Variants in HINFP observed in about 807,000 individuals in gnomAD.
HINFP encodes MBD2 (methyl-CpG-binding protein)-interacting zinc finger protein.
In HINFP, 20 loss-of-function variants were observed where a neutral mutation model predicts 50.1. The ratio of observed to expected loss-of-function variants is 0.40; its 90% CI spans 0.28 to 0.58. The LOEUF is 0.58. Ranked by LOEUF, HINFP falls within the 20% of genes least tolerant of loss-of-function variation. The probability of loss-of-function intolerance (pLI) is 0.45; values close to 1 mark genes in which losing one functional copy is unlikely to be tolerated. For synonymous variants in HINFP, 247 were observed against 243.7 expected (o/e 1.01, Z -0.13); for missense variants, 505 against 664.1 (o/e 0.76, Z 2.63).
rs528550920 is a variant in HINFP, at chr11:119,123,481, T to G, written c.-11+1842T>G. Among the ~76,000 whole-genome samples the G allele has an allele frequency of 6.6e-5, 10 of 152,256 alleles. No homozygotes were observed. The East Asian group carries it at 1.5e-3, about 23-fold the overall frequency. ...AGGAGGTGTGGGATTTTATGACTTT[T>G]GAAGCTTTTTTCTACTTTTCTTACC... On this transcript the variant is annotated intron_variant, in intron 1 of 9. Coordinates refer to ENST00000350777, the MANE Select transcript of HINFP (RefSeq NM_198971.3).
intron 1 of HINFP, among the ~76,000 whole-genome samples, chr11:119,123,042 C>A (rs1244221004): frequency 7.0e-6 from 1 of 143,700 alleles, no homozygotes; most frequent in Non-Finnish European, 1.5e-5. Context: ...TCACGAGAAT[C>A]GCTTGAACCT....
chr11:119,127,076 G>C lies in HINFP; in HGVS notation c.132G>C (p.Leu44=), dbSNP rs779079447. ...TCACTCAGCACCTGCAGCAGCACCT[G>C]CATGGCTCTGGGGAGGAGGAGGAAG... ...EHVTQHLQQH[L]HGSGEEEEEE... Residue 44 remains leucine (L), a synonymous_variant, in exon 2 of 10, where the codon CTG becomes CTC. Transcript: ENST00000350777. 6.2e-7 allele frequency: 1 copy of C among 1,614,068 alleles called. No individual in the cohort carries two copies.
chr11:119,131,776 T>C lies in HINFP; in HGVS notation c.524-54T>C. ...GCTGGAGAGACTCAGGGGTACCAGA[T>C]CCTAGGCAAAACTGGGGTTTTGTGG... On this transcript the variant is annotated intron_variant, in intron 4 of 9. Coordinates refer to ENST00000350777, the MANE Select transcript of HINFP (RefSeq NM_198971.3). The surrounding 1 kb of genome is among the most constrained non-coding windows in gnomAD (Gnocchi z 4.2). 6.2e-7 allele frequency: 1 copy of C among 1,611,356 alleles called. No individual in the cohort carries two copies. Among genetic ancestry groups the C allele is most frequent in the African/African-American group, 1.3e-5 (1 of 74,932 alleles).
chr11:119,127,082 C>T lies in HINFP; in HGVS notation c.138C>T (p.Gly46=). Reference sequence around the variant, plus strand: ...AGCACCTGCAGCAGCACCTGCATGGCTCTGGGGAGGAGGAGGAAGAGGAAG... The same window carrying T: ...AGCACCTGCAGCAGCACCTGCATGGTTCTGGGGAGGAGGAGGAAGAGGAAG... ...VTQHLQQHLH[G]SGEEEEEEEE... is the part of the protein sequence containing the mutation. The change falls in exon 2 of 10, where the codon GGC becomes GGT. Residue 46 remains glycine, a synonymous_variant. Transcript: ENST00000350777. 1 of 1,613,668 alleles carries T rather than the reference C, an allele frequency of 6.2e-7. No individual in the cohort carries two copies. The highest frequency in any genetic ancestry group is 8.5e-7 in the Non-Finnish European group (1 of 1,179,912).
rs756111324 is a variant in HINFP, at chr11:119,134,567, A to G, written c.*69A>G. 2.1e-4 allele frequency: 269 copies of G among 1,292,564 alleles called. No homozygotes were observed. Among genetic ancestry groups the G allele is most frequent in the Non-Finnish European group, 2.7e-4 (260 of 949,838 alleles). 80.1% of individuals were successfully genotyped at this position (1,292,564 alleles called of 1,614,324 possible). On this transcript the variant is annotated 3_prime_UTR_variant, in exon 10 of 10. Transcript: ENST00000350777. This position sits in a 1 kb window ranked among gnomAD's most constrained non-coding sequence, Gnocchi z 4.3. ...GAGCCAGGCAAGTGGCAGTGCCCCT[A>G]GTGGGCAGCCGTTGCCAATGGATGC...
Position 119,133,235 on chromosome 11 carries a change from C to T in HINFP, c.1139+16C>T. 1.2e-6 allele frequency: 2 copies of T among 1,613,170 alleles called. No homozygotes were observed. The highest frequency in any genetic ancestry group is 1.7e-6 in the Non-Finnish European group (2 of 1,179,720). On this transcript the variant is annotated intron_variant, in intron 9 of 9. Transcript: ENST00000350777. ...CCCGTTTTCGGTATGTCTCTCAACC[C>T]TCCTTCCCAGATTAACACACTTGTT...
At position 119,134,066 on chromosome 11, in the gene HINFP, A is replaced by T; in HGVS notation, c.1140-18A>T. Reference sequence around the variant, plus strand: ...CCCCTGCCTGGGTTTGCTGCCCTTTATGCTCCTACCTCACCAGGTACAAGG... The same window carrying T: ...CCCCTGCCTGGGTTTGCTGCCCTTTTTGCTCCTACCTCACCAGGTACAAGG... On this transcript the variant is annotated intron_variant, in intron 9 of 9. Transcript: ENST00000350777. The surrounding 1 kb of genome is among the most constrained non-coding windows in gnomAD (Gnocchi z 4.3). The T allele has an allele frequency of 6.2e-7, 1 of 1,613,644 alleles. No homozygotes were observed. The highest frequency in any genetic ancestry group is 8.5e-7 in the Non-Finnish European group (1 of 1,179,880).
intron 2 of HINFP, chr11:119,130,270 T>A (rs978974341): frequency 1.8e-5 from 3 of 168,430 alleles, no homozygotes; most frequent in African/African-American, 4.8e-5. Context: ...TTGCACACAC[T>A]CTCACCTCTG....
In HINFP at chr11:119,131,736, C is replaced by A; in HGVS notation, c.523+90C>A. 1 of 1,595,204 alleles carries A rather than the reference C, an allele frequency of 6.3e-7. No homozygotes were observed. The highest frequency in any genetic ancestry group is 8.6e-7 in the Non-Finnish European group (1 of 1,164,138). On this transcript the variant is annotated intron_variant, in intron 4 of 9. Transcript: ENST00000350777. The surrounding 1 kb of genome is among the most constrained non-coding windows in gnomAD (Gnocchi z 4.2). Reference sequence around the variant, plus strand: ...GAAAGGGATAGGGGTCCTACAGGGGCAAGGTTGACTGCCGGCTGGAGAGAC... The same window carrying A: ...GAAAGGGATAGGGGTCCTACAGGGGAAAGGTTGACTGCCGGCTGGAGAGAC...
chr11:119,133,279 GT>G lies in HINFP; in HGVS notation c.1139+64del, dbSNP rs1947883451. 3 of 1,599,274 alleles carry G rather than the reference GT, an allele frequency of 1.9e-6. No individual in the cohort carries two copies. The East Asian group carries it at 6.7e-5, about 36-fold the overall frequency. ...ACTTGTTTTTATACCTTTTCAACCA[GT>G]TTTAAAAACCTTAATTTGGGTCGGG... On this transcript the variant is annotated intron_variant, in intron 9 of 9. Coordinates refer to ENST00000350777, the MANE Select transcript of HINFP (RefSeq NM_198971.3).
intron 9 of HINFP, chr11:119,133,561 A>C: frequency 4.5e-6 from 1 of 222,226 alleles, no homozygotes; most frequent in Non-Finnish European, 8.9e-6. Context: ...CCTGGGTGAC[A>C]GAGCGAGACT....
At chr11:119,130,497 T>C in intron 2 of HINFP, 1 of 538,774 alleles carries the variant, frequency 1.9e-6, no homozygotes, top group Non-Finnish European at 3.3e-6. Flanking sequence ...GACTGAAAGC[T>C]ATGTGAGGGC....
At position 119,132,845 on chromosome 11, in the gene HINFP, T is replaced by A. The variant is rs1364422060; in HGVS notation, c.876-19T>A. 2 of 1,614,064 alleles carry A rather than the reference T, an allele frequency of 1.2e-6. No homozygotes were observed. The highest frequency in any genetic ancestry group is 1.3e-5 in the African/African-American group (1 of 74,928). ...AGTGTTCCCCATGTCCTCCAATCCCTCCTGATTTCTCATGGCAGCTGCAAG... is the reference window on the plus strand; with the variant it reads ...AGTGTTCCCCATGTCCTCCAATCCCACCTGATTTCTCATGGCAGCTGCAAG... On this transcript the variant is annotated intron_variant, in intron 7 of 9. Coordinates refer to ENST00000350777, the MANE Select transcript of HINFP (RefSeq NM_198971.3).
intron 1 of HINFP, chr11:119,122,066 A>G (rs1251100535): frequency 1.3e-5 from 2 of 152,192 alleles, no homozygotes; most frequent in Admixed American, 6.5e-5. Flanking sequence ...TTTTGGCCAA[A>G]TTATGAGTTC....
intron 2 of HINFP, chr11:119,129,832 A>G (rs1425783045): frequency 6.6e-6 from 1 of 151,972 alleles, no homozygotes. Flanking sequence ...CAGTCTGAAA[A>G]ACTCTATTCT....
rs202099181 is a variant in HINFP, at chr11:119,134,043, C to T, written c.1140-41C>T. 19 of 1,613,380 alleles carry T rather than the reference C, an allele frequency of 1.2e-5. No homozygotes were observed. The East Asian group carries it at 4.2e-4, about 36-fold the overall frequency. ...CCAGCCTCGGCCATTTCTGTATCCCCCTGCCTGGGTTTGCTGCCCTTTATG... is the reference window on the plus strand; with the variant it reads ...CCAGCCTCGGCCATTTCTGTATCCCTCTGCCTGGGTTTGCTGCCCTTTATG... On this transcript the variant is annotated intron_variant, in intron 9 of 9. Coordinates refer to ENST00000350777, the MANE Select transcript of HINFP (RefSeq NM_198971.3). The surrounding 1 kb of genome is among the most constrained non-coding windows in gnomAD (Gnocchi z 4.3).
chr11:119,124,275 G>A (rs1947261568), intron 1 of HINFP: 1 of 152,170 alleles, frequency 6.6e-6, no homozygotes, highest in African/African-American at 2.4e-5. Flanking sequence ...GCCTGTATTG[G>A]GGGCATGAAG....
In HINFP at chr11:119,129,480, TTTTTC is replaced by T. The variant is rs1272582889; in HGVS notation, c.182-1235_182-1231del. ...AGCCACTGCATCTGGCAGGAATACA[TTTTTC>T]TTTTCTTTTTTTTTTTTTTTGTGGG... On this transcript the variant is annotated intron_variant, in intron 2 of 9. Transcript: ENST00000350777. 1.4e-3 allele frequency among the ~76,000 whole-genome samples: 211 copies of T among 149,624 alleles called. 4 individuals carry two copies. In the South Asian group the frequency reaches 0.015, roughly 10 times the overall value.
rs1322524996 is a variant in HINFP, at chr11:119,134,491, T to C, written c.1547T>C (p.Met516Thr). 6.3e-7 allele frequency: 1 copy of C among 1,598,732 alleles called. No homozygotes were observed. Among genetic ancestry groups the C allele is most frequent in the Admixed American group, 1.7e-5 (1 of 58,282 alleles). ...ATAGCTGAGGAGCCAGAGATCCAGATGGTTTGAAGGCCGCAGAGCCAGACC... is the reference window on the plus strand; with the variant it reads ...ATAGCTGAGGAGCCAGAGATCCAGACGGTTTGAAGGCCGCAGAGCCAGACC... ...QGIAEEPEIQ[M>T]V The change falls in exon 10 of 10, where the codon ATG (methionine) becomes ACG (threonine). Residue 516 changes from methionine to threonine, a missense_variant. By Grantham distance (81) the Met-to-Thr change is moderately conservative. Coordinates refer to ENST00000350777, the MANE Select transcript of HINFP (RefSeq NM_198971.3). This position sits in a 1 kb window ranked among gnomAD's most constrained non-coding sequence, Gnocchi z 4.3.
Sources: allele counts gnomAD v4.1 joint callset (sites outside exome capture counted in the v4.1 genomes callset), GRCh38; gene constraint gnomAD v4.1.1; non-coding constraint Gnocchi (gnomAD v3.1); transcripts MANE v1.5; gene names NCBI Gene and HGNC (gene_info 2026-07-23, HGNC 2026-07-21).